The following CTNND2 variants were observed in gnomAD, a reference collection of about 807,000 sequenced individuals.
CTNND2 encodes the protein catenin delta-2.
CTNND2 carries 22 observed loss-of-function variants against 144.4 expected under a neutral mutation model. That is an observed-to-expected ratio of 0.15 (90% confidence interval 0.11 to 0.22). CTNND2 has a LOEUF of 0.22. Among genes scored for constraint, CTNND2 ranks in the 10% least tolerant of loss-of-function variants. The pLI is 1.00. For synonymous variants in CTNND2, 751 were observed against 695.6 expected, an observed-to-expected ratio of 1.08 and a Z score of -1.25; for missense variants, 1,353 against 1,618.8, an observed-to-expected ratio of 0.84 and a Z score of 2.82.
At position 11,384,950 on chromosome 5, in the gene CTNND2, A is replaced by G. The variant is rs1000203747; in HGVS notation, c.892T>C (p.Ser298Pro). The change falls in exon 7 of 22, where the codon TCC becomes CCC. Residue 298 changes from serine to proline, a missense_variant. By Grantham distance (74) the Ser-to-Pro change is moderately conservative. Transcript: ENST00000304623. The surrounding 1 kb of genome is among the most constrained non-coding windows in gnomAD (Gnocchi z 5.2). ...CGGCTGGGCGACTGCTTGGGCGAGG[A>G]GCCGCGCGGCGCGGCGTAGGTGGCG... ...EGATYAAPRG[S>P]SPKQSPSRLA... 3 of 1,578,286 alleles carry G rather than the reference A, an allele frequency of 1.9e-6. No individual in the cohort carries two copies. Among genetic ancestry groups the G allele is most frequent in the African/African-American group, 2.7e-5 (2 of 73,964 alleles).
intron 2 of CTNND2, among the ~76,000 whole-genome samples, chr5:11,667,283 C>G (rs1247194265): frequency 6.6e-6 from 1 of 152,098 alleles, no homozygotes; most frequent in Non-Finnish European, 1.5e-5. Context: ...TATATACCCA[C>G]TAATGGGACT....
intron 16 of CTNND2, among the ~76,000 whole-genome samples, chr5:11,051,745 A>G (rs1745849993): frequency 6.6e-6 from 1 of 152,238 alleles, no homozygotes; most frequent in Non-Finnish European, 1.5e-5. Context: ...ACTATTCATT[A>G]AACAAATATG....
chr5:11,467,901 C>T (rs1766823724), intron 3 of CTNND2, among the ~76,000 whole-genome samples: 1 of 152,206 alleles, frequency 6.6e-6, no homozygotes, highest in African/African-American at 2.4e-5. Flanking sequence ...AAGTAACTTT[C>T]TGCCTTTAAA....
chr5:10,990,295 A>T (rs1041214256), intron 19 of CTNND2, among the ~76,000 whole-genome samples: 2 of 152,220 alleles, frequency 1.3e-5, no homozygotes, highest in African/African-American at 4.8e-5. Flanking sequence ...AGGGGCAGCC[A>T]CTGTGTCGTA....
chr5:11,539,813 C>A (rs1774564831), intron 3 of CTNND2, among the ~76,000 whole-genome samples: 1 of 152,178 alleles, frequency 6.6e-6, no homozygotes, highest in Non-Finnish European at 1.5e-5. Context: ...GCAGGTGGAT[C>A]ACCTGAGGTC....
intron 1 of CTNND2, among the ~76,000 whole-genome samples, chr5:11,873,291 TATGACTCAAA>T (rs1285902841): frequency 2.0e-5 from 3 of 152,230 alleles, no homozygotes; most frequent in Non-Finnish European, 2.9e-5. Context: ...AATATAATGA[TATGACTCAAA>T]ATGACTCAAA....
intron 12 of CTNND2, among the ~76,000 whole-genome samples, chr5:11,129,122 A>T (rs1477465692): frequency 4.4e-4 from 7 of 15,964 alleles, no homozygotes; most frequent in East Asian, 1.8e-3. Flanking sequence ...TATTATATAT[A>T]ATATATATTT....
chr5:11,522,520 G>C (rs939223831), intron 3 of CTNND2, among the ~76,000 whole-genome samples: 2 of 152,106 alleles, frequency 1.3e-5, no homozygotes, highest in South Asian at 4.1e-4. Context: ...AGATTTTAAC[G>C]TTATACCCGG....
At chr5:11,850,135 G>C (rs1443756976) in intron 1 of CTNND2, among the ~76,000 whole-genome samples, 4 of 152,116 alleles carry the variant, frequency 2.6e-5, no homozygotes, top group Non-Finnish European at 2.9e-5. Flanking sequence ...CAGAGGCTGA[G>C]GGGTAGGGAT....
At chr5:11,170,259 T>C (rs1759764550) in intron 11 of CTNND2, among the ~76,000 whole-genome samples, 1 of 152,304 alleles carries the variant, frequency 6.6e-6, no homozygotes, top group Non-Finnish European at 1.5e-5. Context: ...TCAAGCAGAA[T>C]ATATGAACAC....
intron 16 of CTNND2, among the ~76,000 whole-genome samples, chr5:11,056,624 A>G (rs1746376239): frequency 6.6e-6 from 1 of 152,206 alleles, no homozygotes; most frequent in African/African-American, 2.4e-5. Flanking sequence ...AGCTTGCTTA[A>G]GTATTTTAAA....
chr5:11,475,732 G>T (rs1345648344), intron 3 of CTNND2, among the ~76,000 whole-genome samples: 2 of 152,140 alleles, frequency 1.3e-5, no homozygotes, highest in African/African-American at 4.8e-5. Context: ...TAAATATAGG[G>T]TGACTTTAGA....
Position 11,688,570 on chromosome 5 carries a change from G to C in CTNND2, c.174+43566C>G, listed in dbSNP as rs1454301032. 3.9e-5 allele frequency among the ~76,000 whole-genome samples: 6 copies of C among 152,260 alleles called. No homozygotes were observed. The South Asian group carries it at 1.2e-3, about 32-fold the overall frequency. Reference sequence around the variant, plus strand: ...CATTTTACAATTTTGAAAAATTCTTGCATGGGTTATCTAAATCTGTTTCAA... The same window carrying C: ...CATTTTACAATTTTGAAAAATTCTTCCATGGGTTATCTAAATCTGTTTCAA... On this transcript the variant is annotated intron_variant, in intron 2 of 21. Coordinates refer to ENST00000304623, the MANE Select transcript of CTNND2 (RefSeq NM_001332.4).
intron 2 of CTNND2, among the ~76,000 whole-genome samples, chr5:11,583,569 T>C (rs73051989): frequency 0.023 from 3,495 of 152,298 alleles, 134 homozygotes; most frequent in African/African-American, 0.08. Flanking sequence ...ACATCAATCA[T>C]ACTGAGATAA....
At chr5:11,085,456 T>C (rs533439017) in intron 15 of CTNND2, among the ~76,000 whole-genome samples, 47 of 152,326 alleles carry the variant, frequency 3.1e-4, no homozygotes, top group African/African-American at 1.0e-3. Flanking sequence ...TCATGTCTAA[T>C]TGGAATTTCT....
At chr5:11,048,836 A>C (rs183986788) in intron 16 of CTNND2, among the ~76,000 whole-genome samples, 1 of 152,292 alleles carries the variant, frequency 6.6e-6, no homozygotes, top group Non-Finnish European at 1.5e-5. Flanking sequence ...TCCTTGAGAG[A>C]CGTCTGTACA....
At chr5:11,395,372 A>C (rs1201835720) in intron 6 of CTNND2, among the ~76,000 whole-genome samples, 1 of 152,238 alleles carries the variant, frequency 6.6e-6, no homozygotes, top group Non-Finnish European at 1.5e-5. Context: ...CCCTTCTGTT[A>C]GTAGAGTGAA....
intron 16 of CTNND2, among the ~76,000 whole-genome samples, chr5:11,051,345 A>G (rs1745804209): frequency 6.6e-6 from 1 of 152,212 alleles, no homozygotes; most frequent in African/African-American, 2.4e-5. Context: ...TGGGGCAATA[A>G]GAATATAAAA....
At chr5:11,534,449 C>CA (rs1002236900) in intron 3 of CTNND2, among the ~76,000 whole-genome samples, 10 of 151,884 alleles carry the variant, frequency 6.6e-5, no homozygotes, top group African/African-American at 2.4e-4. Flanking sequence ...CCAAAAAGTA[C>CA]AAAAAATTAG....
Sources: gnomAD v4.1 joint callset for allele counts (sites outside exome capture counted in the v4.1 genomes callset) on GRCh38, gnomAD v4.1.1 for gene constraint, Gnocchi (gnomAD v3.1) non-coding constraint, MANE v1.5 for transcripts, NCBI Gene and HGNC (gene_info 2026-07-23, HGNC 2026-07-21) for gene names.